The following SMG1 variants were observed in gnomAD, a reference collection of about 807,000 sequenced individuals.
SMG1 encodes serine/threonine-protein kinase SMG1.
SMG1 carries 22 observed loss-of-function variants against 419.9 expected under a neutral mutation model. The observed-to-expected ratio is 0.05, with a 90% confidence interval of 0.04 to 0.07. SMG1 has a LOEUF of 0.07. Among genes scored for constraint, SMG1 ranks in the 10% least tolerant of loss-of-function variants. The probability of loss-of-function intolerance (pLI) is 1.00; values close to 1 mark genes in which losing one functional copy is unlikely to be tolerated. For missense variants in SMG1, 3,185 were observed against 4,342.0 expected (o/e 0.73, Z 7.49); for synonymous variants, 1,538 against 1,553.5 (o/e 0.99, Z 0.23).
At chr16:18,842,016 G>T (rs1326737428) in intron 40 of SMG1, among the ~76,000 whole-genome samples, 192 bp downstream of exon 40, 1 of 152,090 alleles carries the variant, frequency 6.6e-6, no homozygotes, top group East Asian at 1.9e-4. Flanking sequence ...ACACAAAGTG[G>T]GGGTGGAAAA....
Position 18,879,430 on chromosome 16 carries a change from T to C in SMG1, c.1518+65A>G, listed in dbSNP as rs182089666. 1.2e-3 allele frequency: 1,493 copies of C among 1,259,934 alleles called. 5 individuals are homozygous for C. The highest frequency in any genetic ancestry group is 1.5e-3 in the Non-Finnish European group (1,318 of 895,690). The allele number at this position is 1,259,934 out of a possible 1,614,324, so 78.0% of individuals were successfully genotyped here. A position where few individuals can be genotyped will look rare whatever the true frequency, so the allele number is the denominator to read the frequency against. On this transcript the variant is annotated intron_variant, in intron 11 of 62. Transcript: ENST00000446231. ...ATGCCCAGACAAAGCCCTTAATTTC[T>C]TACATATCGATTTAAGGGCCTGAAT... is the stretch of plus-strand genomic sequence containing the variant.
chr16:18,816,198 T>C lies in SMG1; in HGVS notation c.10302+104A>G, dbSNP rs957425013. On this transcript the variant is annotated intron_variant, in intron 58 of 62. Transcript: ENST00000446231. ...AAACAAATTGGAAGATGTGATGAGA[T>C]AAATTGTTATTTACAAAATGTCACT... The C allele has an allele frequency of 1.1e-5, 10 of 897,438 alleles. No individual in the cohort carries two copies. The African/African-American group carries it at 1.7e-4, about 15-fold the overall frequency. 55.6% of individuals were successfully genotyped at this position (897,438 alleles called of 1,614,324 possible). A position where few individuals can be genotyped will look rare whatever the true frequency, so the allele number is the denominator to read the frequency against.
chr16:18,844,820 C>G (rs1318988650), intron 39 of SMG1, among the ~76,000 whole-genome samples: 1 of 152,066 alleles, frequency 6.6e-6, no homozygotes, highest in East Asian at 1.9e-4. Context: ...GAAGGAAAAG[C>G]TGGAGCTACA....
chr16:18,818,622 G>A (rs1443188745), intron 56 of SMG1, among the ~76,000 whole-genome samples: 2 of 152,090 alleles, frequency 1.3e-5, no homozygotes, highest in Non-Finnish European at 2.9e-5. Context: ...ATTAAATATG[G>A]ATAGAAAGGA....
At chr16:18,910,867 A>G (rs970408704) in intron 1 of SMG1, among the ~76,000 whole-genome samples, 2 of 152,166 alleles carry the variant, frequency 1.3e-5, no homozygotes, top group Admixed American at 1.3e-4. Context: ...ACACAGCCAT[A>G]CACACTACAC....
chr16:18,883,203 C>T (rs1489967121), intron 9 of SMG1, among the ~76,000 whole-genome samples: 2 of 152,114 alleles, frequency 1.3e-5, no homozygotes, highest in African/African-American at 2.4e-5. Context: ...GGGAGAAACA[C>T]AAAGAGATTC....
In SMG1 at chr16:18,819,544, T is replaced by A; in HGVS notation, c.9852A>T (p.Glu3284Asp). ...TCTCTTTAAGGACAAGATTTCTTCT[T>A]TCAGCTATCGTTGCTTCAAAATCTT... ...VLQDFEATIA[E>D]RRNLVLKESQ... is the part of the protein sequence containing the mutation. Residue 3284 changes from glutamate (E) to aspartate (D), a missense_variant, in exon 56 of 63, where the codon GAA becomes GAT. Glu to Asp is a conservative substitution (Grantham distance 45, BLOSUM62 2). Around this residue, in one of 27 missense-constraint regions of SMG1, gnomAD observed 737 missense variants for 846.6 expected, o/e 0.87. Coordinates refer to ENST00000446231, the MANE Select transcript of SMG1 (RefSeq NM_015092.5). 1 of 1,608,466 alleles carries A rather than the reference T, an allele frequency of 6.2e-7. No individual in the cohort carries two copies. Among genetic ancestry groups the A allele is most frequent in the Non-Finnish European group, 8.5e-7 (1 of 1,177,168 alleles).
rs758440067 is a variant in SMG1, at chr16:18,866,660, A to T, written c.3311T>A (p.Leu1104His). 6.9e-6 allele frequency: 11 copies of T among 1,595,110 alleles called. No homozygotes were observed. The highest frequency in any genetic ancestry group is 1.1e-5 in the South Asian group (1 of 90,940). Residue 1104 changes from leucine to histidine, a missense_variant, in exon 23 of 63, where the codon CTT becomes CAT. By Grantham distance (99) the Leu-to-His change is moderately conservative (BLOSUM62 -3). This residue lies in a region of SMG1 where 121 missense variants were observed against 125.4 expected (regional missense o/e 0.96). Coordinates refer to ENST00000446231, the MANE Select transcript of SMG1 (RefSeq NM_015092.5). ...TTGAGCCACTGAGTTAATCCACAGA[A>T]GATTTTTTCCAACAATAGATGATGA... ...VWSSSIVGKNLLWINSVAQQA... is the reference protein window; with the variant it reads ...VWSSSIVGKNHLWINSVAQQA...
chr16:18,816,440 T>C lies in SMG1; in HGVS notation c.10164A>G (p.Ala3388=). ...TCTGCTGCTCTTTCTCTGTCTGAAT[T>C]GCCCTCTGAGTAGACATATCCTGGG... The part of the protein sequence containing the change: ...QLTQDMSTQR[A]IQTEKEQQIE... Residue 3388 remains alanine, a synonymous_variant, in exon 58 of 63, where the codon GCA becomes GCG. Coordinates refer to ENST00000446231, the MANE Select transcript of SMG1 (RefSeq NM_015092.5). 1 of 1,613,962 alleles carries C rather than the reference T, an allele frequency of 6.2e-7. No homozygotes were observed. The highest frequency in any genetic ancestry group is 8.5e-7 in the Non-Finnish European group (1 of 1,179,866).
intron 51 of SMG1, among the ~76,000 whole-genome samples, chr16:18,832,592 A>G (rs963487390): frequency 9.9e-5 from 15 of 151,762 alleles, no homozygotes; most frequent in Admixed American, 2.6e-4. Flanking sequence ...GCACACACAC[A>G]CACACACACA....
At position 18,870,679 on chromosome 16, in the gene SMG1, T is replaced by C; in HGVS notation, c.2423A>G (p.His808Arg). Residue 808 changes from histidine (H) to arginine (R), a missense_variant, in exon 18 of 63, where the codon CAC becomes CGC. Physicochemically the swap from His to Arg is conservative, Grantham distance 29 (BLOSUM62 0). Transcript: ENST00000446231. ...CVDVCRVQLV[H>R]SGTRIRQAFG... is the part of the protein sequence containing the mutation. ...TGCTTGTCGAATACGAGTTCCACTG[T>C]GCACTAGTTGAACACGGCAAACATC... The C allele has an allele frequency of 1.9e-6, 3 of 1,609,048 alleles. No homozygotes were observed. The highest frequency in any genetic ancestry group is 4.5e-5 in the East Asian group (2 of 44,868).
chr16:18,838,028 C>G lies in SMG1; in HGVS notation c.7399G>C (p.Val2467Leu). The change falls in exon 45 of 63, where the codon GTA becomes CTA. Residue 2467 changes from valine to leucine, a missense_variant. Val to Leu is a conservative substitution (Grantham distance 32). This residue lies in a region of SMG1 where 412 missense variants were observed against 546.6 expected (regional missense o/e 0.75). Coordinates refer to ENST00000446231, the MANE Select transcript of SMG1 (RefSeq NM_015092.5). ...EITRSLFSSRVAEIKVNWFKN... is the reference protein window; with the variant it reads ...EITRSLFSSRLAEIKVNWFKN... ...CTGGGCTTCACCTTAATCTCAGCTA[C>G]TCTAGAAGAAAACAGGCTGCGGGTG... The G allele has an allele frequency of 6.2e-7, 1 of 1,613,956 alleles. No homozygotes were observed. The highest frequency in any genetic ancestry group is 8.5e-7 in the Non-Finnish European group (1 of 1,179,898).
At chr16:18,922,862 T>C (rs1206377977) in intron 1 of SMG1, among the ~76,000 whole-genome samples, 2 of 152,002 alleles carry the variant, frequency 1.3e-5, no homozygotes, top group African/African-American at 4.8e-5. Context: ...GGGCAGACTG[T>C]TTGAGTTCAG....
At chr16:18,919,947 C>T (rs570889934) in intron 1 of SMG1, among the ~76,000 whole-genome samples, 2 of 151,544 alleles carry the variant, frequency 1.3e-5, no homozygotes, top group South Asian at 2.1e-4. Context: ...AAAAATTAGC[C>T]GGGCCTGGTG....
At chr16:18,891,750 T>C (rs1187111122) in intron 4 of SMG1, among the ~76,000 whole-genome samples, 1 of 152,194 alleles carries the variant, frequency 6.6e-6, no homozygotes, top group African/African-American at 2.4e-5. Flanking sequence ...AAGTTCTTAA[T>C]TGGTGTAAAG....
Position 18,896,807 on chromosome 16 carries a change from T to C in SMG1, c.242A>G (p.Gln81Arg). The C allele has an allele frequency of 6.2e-7, 1 of 1,606,720 alleles. No individual in the cohort carries two copies. The highest frequency in any genetic ancestry group is 8.5e-7 in the Non-Finnish European group (1 of 1,175,886). The part of the protein sequence containing the change: ...HDDTRVHADI[Q>R]NDEKGGYSVN... ...AATATATATACCCTTTTCGTCATTCTGTATGTCAGCGTGGACTCTGGTATC... is the reference window on the plus strand; with the variant it reads ...AATATATATACCCTTTTCGTCATTCCGTATGTCAGCGTGGACTCTGGTATC... Residue 81 changes from glutamine to arginine, a missense_variant, in exon 2 of 63, where the codon CAG becomes CGG. Gln to Arg is a conservative substitution (Grantham distance 43). This residue lies in a region of SMG1 where 42 missense variants were observed against 100.1 expected (regional missense o/e 0.42). Coordinates refer to ENST00000446231, the MANE Select transcript of SMG1 (RefSeq NM_015092.5).
chr16:18,867,707 T>C (rs1296859545), intron 22 of SMG1, among the ~76,000 whole-genome samples: 4 of 128,550 alleles, frequency 3.1e-5, no homozygotes, highest in Admixed American at 7.5e-5. Flanking sequence ...CTTCTTTTTT[T>C]TTTTTTTTTT....
rs773248456 is a variant in SMG1 at position 18,815,449 on chromosome 16, T to A, written c.10505A>T (p.Gln3502Leu). 9.9e-6 allele frequency: 16 copies of A among 1,613,912 alleles called. No homozygotes were observed. The East Asian group carries it at 3.3e-4, about 34-fold the overall frequency. Reference sequence around the variant, plus strand: ...CAGAAGGCATTCTTACCTCTGACTTTGTGTTTTCAGTTCTTTCAAGGTGGG... The same window carrying A: ...CAGAAGGCATTCTTACCTCTGACTTAGTGTTTTCAGTTCTTTCAAGGTGGG... The part of the protein sequence containing the change: ...ITPTLKELKT[Q>L]SQSIYNNLVS... The change falls in exon 59 of 63, where the codon CAA (glutamine) becomes CTA (leucine). Residue 3502 changes from glutamine (Q) to leucine (L), a missense_variant. Coordinates refer to ENST00000446231, the MANE Select transcript of SMG1 (RefSeq NM_015092.5).
At chr16:18,815,323 C>T in intron 59 of SMG1, 42 bp from the exon 60 acceptor site, 1 of 1,526,078 alleles carries the variant, frequency 6.6e-7, no homozygotes, top group African/African-American at 1.4e-5. Flanking sequence ...AAATGTTTTA[C>T]CTGATACTAC....
Sources: allele counts gnomAD v4.1 joint callset (sites outside exome capture counted in the v4.1 genomes callset), GRCh38; gene constraint gnomAD v4.1.1; regional missense constraint gnomAD v4.1.1; transcripts MANE v1.5; gene names NCBI Gene and HGNC (gene_info 2026-07-23, HGNC 2026-07-21).